FDFT1: variants seen among roughly 807,000 people sequenced by gnomAD.
FDFT1 encodes the protein squalene synthase.
A neutral mutation model predicts 46.8 loss-of-function variants in FDFT1; 68 were observed. That is an observed-to-expected ratio of 1.45 (90% CI 1.19 to 1.78). FDFT1 has a LOEUF of 1.78. FDFT1 is among the 40% of genes most tolerant of loss of function. The probability of loss-of-function intolerance (pLI) is 0.00; values close to 1 mark genes in which losing one functional copy is unlikely to be tolerated. For missense variants in FDFT1, 928 were observed against 524.4 expected, an observed-to-expected ratio of 1.77 and a Z score of -7.52; for synonymous variants, 351 against 185.1, an observed-to-expected ratio of 1.90 and a Z score of -7.28.
intron 7 of FDFT1, among the ~76,000 whole-genome samples, chr8:11,833,007 A>G (rs553402966): frequency 6.6e-6 from 1 of 152,184 alleles, no homozygotes; most frequent in Admixed American, 6.5e-5. Flanking sequence ...CATATTGCAC[A>G]TTCTTCTTAT....
At position 11,809,818 on chromosome 8, in the gene FDFT1, A is replaced by C. The variant is rs1215609563; in HGVS notation, c.349A>C (p.Lys117Gln). The C allele has an allele frequency of 6.2e-7, 1 of 1,613,896 alleles. No individual in the cohort carries two copies. The highest frequency in any genetic ancestry group is 8.5e-7 in the Non-Finnish European group (1 of 1,179,886). The change falls in exon 3 of 8, where the codon AAG becomes CAG. Residue 117 changes from lysine (K) to glutamine (Q), a missense_variant. By Grantham distance (53) the Lys-to-Gln change is moderately conservative. Coordinates refer to ENST00000220584, the MANE Select transcript of FDFT1 (RefSeq NM_004462.5). ...CTGGCGGTTCATGGAGAGCAAGGAG[A>C]AGGATCGCCAGGTGCTGGAGGACTT... ...PDWRFMESKE[K>Q]DRQVLEDFPT... is the part of the protein sequence containing the mutation.
At chr8:11,830,025 T>A (rs1810552442) in intron 5 of FDFT1, among the ~76,000 whole-genome samples, 2 of 151,990 alleles carry the variant, frequency 1.3e-5, no homozygotes, top group African/African-American at 4.8e-5. Flanking sequence ...TTTTTGTATT[T>A]TTAGTAGACA....
At chr8:11,797,871 T>A (rs973640267), upstream of FDFT1, 1 of 152,140 alleles carries the variant, frequency 6.6e-6, no homozygotes, top group East Asian at 1.9e-4. Context: ...GGACAATAAG[T>A]GCTGCTAGGA....
At chr8:11,810,045 C>T (rs113772584) in intron 3 of FDFT1, 195 bp downstream of exon 3, 18 of 542,728 alleles carry the variant, frequency 3.3e-5, no homozygotes, top group Non-Finnish European at 4.9e-5. Flanking sequence ...CTCCCACTTA[C>T]TAAACTGTTG....
intron 3 of FDFT1, among the ~76,000 whole-genome samples, chr8:11,819,061 C>G (rs1031219674): frequency 7.2e-5 from 11 of 152,154 alleles, no homozygotes; most frequent in African/African-American, 2.7e-4. Context: ...GTGACAAAAT[C>G]TCTGAGCATT....
chr8:11,815,543 C>G (rs1216932975), intron 3 of FDFT1, among the ~76,000 whole-genome samples: 2 of 152,168 alleles, frequency 1.3e-5, no homozygotes, highest in African/African-American at 2.4e-5. Context: ...TGTTTCCTGA[C>G]TTTTTAAATG....
rs1811944251 is a variant in FDFT1, at chr8:11,838,878, G to C, written c.*269G>C. On this transcript the variant is annotated 3_prime_UTR_variant, in exon 8 of 8. Transcript: ENST00000220584. ...CAGAGCATTCAGTGCCACGGTTTAG[G>C]TGAAGTCGCTGCATATGTGACTGTC... is the stretch of plus-strand genomic sequence containing the variant. The C allele has an allele frequency of 2.2e-6, 1 of 464,272 alleles. No homozygotes were observed. The highest frequency in any genetic ancestry group is 6.3e-4 in the Middle Eastern group (1 of 1,590). 28.8% of individuals were successfully genotyped at this position (464,272 alleles called of 1,614,324 possible). A position where few individuals can be genotyped will look rare whatever the true frequency, so the allele number is the denominator to read the frequency against.
rs1470836578 is a variant in FDFT1 at position 11,826,831 on chromosome 8, C to G, written c.702+616C>G. ...CTCCCTCTCAAAAGAAGAGGAAGGG[C>G]TTGGTTCTTCTGCTCAGCCCTGAAT... On this transcript the variant is annotated intron_variant, in intron 5 of 7. Coordinates refer to ENST00000220584, the MANE Select transcript of FDFT1 (RefSeq NM_004462.5). Among the ~76,000 whole-genome samples, 4 of 151,916 alleles carry G rather than the reference C, an allele frequency of 2.6e-5. No individual in the cohort carries two copies. In the East Asian group the frequency reaches 7.7e-4, roughly 29 times the overall value.
At chr8:11,803,164 T>C (rs755983413) in intron 1 of FDFT1, 6 of 1,421,244 alleles carry the variant, frequency 4.2e-6, no homozygotes, top group African/African-American at 1.4e-5. Flanking sequence ...GAGCGACTTT[T>C]GCGTGGTTCC....
intron 1 of FDFT1, among the ~76,000 whole-genome samples, chr8:11,807,251 C>T (rs1806976378): frequency 1.3e-5 from 2 of 152,186 alleles, no homozygotes; most frequent in Admixed American, 1.3e-4. Flanking sequence ...GATCCTCCCA[C>T]CTCAGCCTCC....
At chr8:11,819,501 C>G (rs1032195066) in intron 3 of FDFT1, among the ~76,000 whole-genome samples, 3 of 152,078 alleles carry the variant, frequency 2.0e-5, no homozygotes, top group Admixed American at 6.6e-5. Flanking sequence ...TAGCATTGGT[C>G]TTTTCACATA....
upstream of FDFT1, among the ~76,000 whole-genome samples, chr8:11,798,527 A>G (rs1170303166): frequency 2.6e-5 from 4 of 152,246 alleles, no homozygotes. Context: ...GACTTGATGA[A>G]TGATTTTGAA....
chr8:11,819,950 T>G (rs897170093), intron 3 of FDFT1, among the ~76,000 whole-genome samples: 49 of 152,174 alleles, frequency 3.2e-4, no homozygotes, highest in African/African-American at 1.2e-3. Context: ...ATTTTCAGCC[T>G]TTCTGCTGTG....
At chr8:11,817,284 A>C (rs6994126) in intron 3 of FDFT1, among the ~76,000 whole-genome samples, 34,843 of 152,166 alleles carry the variant, frequency 0.23, 4,883 homozygotes, top group African/African-American at 0.39. Flanking sequence ...TATTTTATAG[A>C]GGATTTTCGC....
chr8:11,831,621 C>A lies in FDFT1; in HGVS notation c.983C>A (p.Ala328Asp). 6.2e-7 allele frequency: 1 copy of A among 1,613,858 alleles called. No individual in the cohort carries two copies. Among genetic ancestry groups the A allele is most frequent in the Non-Finnish European group, 8.5e-7 (1 of 1,179,748 alleles). Residue 328 changes from alanine to aspartate, a missense_variant, in exon 7 of 8, where the codon GCC (alanine) becomes GAC (aspartate). Ala to Asp is a moderately radical substitution (Grantham distance 126). Coordinates refer to ENST00000220584, the MANE Select transcript of FDFT1 (RefSeq NM_004462.5). Reference sequence around the variant, plus strand: ...CAAGCAGTGACCCTGATGATGGATGCCACCAATATGCCAGCTGTCAAAGCC... The same window carrying A: ...CAAGCAGTGACCCTGATGATGGATGACACCAATATGCCAGCTGTCAAAGCC... ...KGQAVTLMMDATNMPAVKAII... is the reference protein window; with the variant it reads ...KGQAVTLMMDDTNMPAVKAII...
Position 11,806,850 on chromosome 8 carries a change from A to T in FDFT1, c.100-1944A>T, listed in dbSNP as rs966324316. Among the ~76,000 whole-genome samples, 3 of 152,162 alleles carry T rather than the reference A, an allele frequency of 2.0e-5. No homozygotes were observed. In the South Asian group the frequency reaches 6.2e-4, roughly 31 times the overall value. Reference sequence around the variant, plus strand: ...ATGAATGTCTTCATTTATTCATGACACCACTTCTGAATATATTTATGTGCC... The same window carrying T: ...ATGAATGTCTTCATTTATTCATGACTCCACTTCTGAATATATTTATGTGCC... On this transcript the variant is annotated intron_variant, in intron 1 of 7. Coordinates refer to ENST00000220584, the MANE Select transcript of FDFT1 (RefSeq NM_004462.5).
At chr8:11,808,317 G>A (rs1293438313) in intron 1 of FDFT1, 3 of 1,233,088 alleles carry the variant, frequency 2.4e-6, no homozygotes, top group Non-Finnish European at 3.0e-6. Context: ...AGTGGGTTCT[G>A]GTGAGAAGGG....
chr8:11,808,347 C>T (rs1241210700), intron 1 of FDFT1: 6 of 1,227,790 alleles, frequency 4.9e-6, no homozygotes, highest in Middle Eastern at 3.1e-4. Flanking sequence ...GAGGAGGCGC[C>T]GGTGCGGAGC....
Position 11,838,510 on chromosome 8 carries a change from C to G in FDFT1, c.1155C>G (p.Ile385Met), listed in dbSNP as rs1396635112. 2 of 1,608,428 alleles carry G rather than the reference C, an allele frequency of 1.2e-6. No individual in the cohort carries two copies. The highest frequency in any genetic ancestry group is 1.3e-5 in the African/African-American group (1 of 74,790). Reference sequence around the variant, plus strand: ...TTTCCCGAAGCCACTACTCCCCCATCTACCTGTCGTTTGTCATGCTTTTGG... The same window carrying G: ...TTTCCCGAAGCCACTACTCCCCCATGTACCTGTCGTTTGTCATGCTTTTGG... The part of the protein sequence containing the change: ...QLISRSHYSP[I>M]YLSFVMLLAA... The change falls in exon 8 of 8, where the codon ATC (isoleucine) becomes ATG (methionine). Residue 385 changes from isoleucine to methionine, a missense_variant. By Grantham distance (10) the Ile-to-Met change is conservative. Transcript: ENST00000220584.
Sources: gnomAD v4.1 joint callset for allele counts (sites outside exome capture counted in the v4.1 genomes callset) on GRCh38, gnomAD v4.1.1 for gene constraint, MANE v1.5 for transcripts, NCBI Gene and HGNC (gene_info 2026-07-23, HGNC 2026-07-21) for gene names.